Variants in GALNT18 observed in about 807,000 individuals in gnomAD.
GALNT18 encodes the protein polypeptide N-acetylgalactosaminyltransferase 18.
Under a neutral mutation model 69.5 loss-of-function variants are expected in GALNT18, and 44 were observed. The observed-to-expected ratio is 0.63, with a 90% CI of 0.50 to 0.81. The LOEUF (loss-of-function observed/expected upper bound fraction) is 0.81, where lower values mean the gene tolerates loss of function less well. Ranked by LOEUF, GALNT18 falls within the 40% of genes least tolerant of loss-of-function variation. GALNT18 has a pLI of 0.00. For synonymous variants in GALNT18, 364 were observed against 318.2 expected (o/e 1.14, Z -1.53); for missense variants, 715 against 810.0 (o/e 0.88, Z 1.42).
chr11:11,275,129 C>T (rs59807417), intron 10 of GALNT18, among the ~76,000 whole-genome samples: 4,214 of 152,316 alleles, frequency 0.028, 215 homozygotes, highest in African/African-American at 0.094. Flanking sequence ...CACTGTCTTC[C>T]ACAATGGTTG....
intron 1 of GALNT18, among the ~76,000 whole-genome samples, chr11:11,549,593 C>T (rs1023505442): frequency 3.9e-5 from 6 of 152,232 alleles, no homozygotes. Context: ...ACCCTTCTAT[C>T]TGGCCTGACC....
At chr11:11,351,031 A>C (rs1850390684) in intron 6 of GALNT18, among the ~76,000 whole-genome samples, 1 of 152,118 alleles carries the variant, frequency 6.6e-6, no homozygotes. Flanking sequence ...CAGTTTCCAG[A>C]GGTTCAATCT....
Position 11,271,213 on chromosome 11 carries a change from C to T in GALNT18, c.1755G>A (p.Gln585=), listed in dbSNP as rs761466656. ...QENSDLEFGF[Q]LVLQKCSGQH... ...GGCCCGAGCACTTCTGCAACACCAG[C>T]TGGAAGCCGAACTCCAGGTCGCTAT... Residue 585 remains glutamine (Q), a synonymous_variant, in exon 11 of 11, where the codon CAG becomes CAA. Transcript: ENST00000227756. The T allele has an allele frequency of 6.8e-6, 11 of 1,614,012 alleles. No individual in the cohort carries two copies. The highest frequency in any genetic ancestry group is 9.3e-6 in the Non-Finnish European group (11 of 1,180,006).
At chr11:11,441,884 C>T (rs1855539160) in intron 2 of GALNT18, among the ~76,000 whole-genome samples, 2 of 152,196 alleles carry the variant, frequency 1.3e-5, no homozygotes, top group Admixed American at 6.5e-5. Flanking sequence ...AGTATAGTGA[C>T]AGCAGAGCCT....
chr11:11,460,658 C>T (rs199936408), intron 1 of GALNT18, among the ~76,000 whole-genome samples: 2 of 149,450 alleles, frequency 1.3e-5, no homozygotes, highest in South Asian at 2.2e-4. Context: ...CTGAGGCAGT[C>T]GCCCTCCTGC....
At chr11:11,539,979 C>T (rs1191722832) in intron 1 of GALNT18, among the ~76,000 whole-genome samples, 1 of 152,192 alleles carries the variant, frequency 6.6e-6, no homozygotes, top group Non-Finnish European at 1.5e-5. Context: ...CCTGGATTTC[C>T]AGTACCAATG....
chr11:11,327,031 C>G, intron 9 of GALNT18, 55 bp downstream of exon 9: 1 of 1,271,898 alleles, frequency 7.9e-7, no homozygotes. Context: ...TCTCCTTCCC[C>G]ATGCCAGGCA....
At chr11:11,319,773 C>T (rs765259216) in intron 9 of GALNT18, among the ~76,000 whole-genome samples, 1 of 152,186 alleles carries the variant, frequency 6.6e-6, no homozygotes, top group Non-Finnish European at 1.5e-5. Flanking sequence ...CATCCTTATA[C>T]TTTGGAAGGA....
chr11:11,514,562 G>A (rs1297085455), intron 1 of GALNT18, among the ~76,000 whole-genome samples: 1 of 152,152 alleles, frequency 6.6e-6, no homozygotes, highest in African/African-American at 2.4e-5. Context: ...GTCACCCATC[G>A]GATTGCAGCC....
chr11:11,403,611 G>T (rs1265587039), intron 3 of GALNT18, among the ~76,000 whole-genome samples: 1 of 152,176 alleles, frequency 6.6e-6, no homozygotes, highest in Non-Finnish European at 1.5e-5. Flanking sequence ...TCCCCAAGGG[G>T]TCTTAGTCCA....
chr11:11,495,859 G>C lies in GALNT18; in HGVS notation c.236-46923C>G, dbSNP rs180707290. On this transcript the variant is annotated intron_variant, in intron 1 of 10. Coordinates refer to ENST00000227756, the MANE Select transcript of GALNT18 (RefSeq NM_198516.3). ...AGCAGAAAGGGTAGCACCATAAAAG[G>C]CTGTGACCAAGAGATGGGCAGGTCC... Among the ~76,000 whole-genome samples, 756 of 152,256 alleles carry C rather than the reference G, an allele frequency of 5.0e-3. 4 individuals are homozygous for C. The highest frequency in any genetic ancestry group is 0.018 in the African/African-American group (736 of 41,524).
chr11:11,559,740 TGATGGGATGG>T (rs888426572), intron 1 of GALNT18, among the ~76,000 whole-genome samples: 8 of 141,684 alleles, frequency 5.6e-5, no homozygotes, highest in African/African-American at 2.1e-4. Flanking sequence ...GAATGGGGTA[TGATGGGATGG>T]GATGGGATAG....
At chr11:11,448,627 G>C in intron 2 of GALNT18, 117 bp downstream of exon 2, 1 of 759,584 alleles carries the variant, frequency 1.3e-6, no homozygotes, top group Non-Finnish European at 2.0e-6. Flanking sequence ...GGCCCTGGCT[G>C]AAGCAGGAAA....
chr11:11,531,658 C>A (rs1051669105), intron 1 of GALNT18, among the ~76,000 whole-genome samples: 1 of 152,100 alleles, frequency 6.6e-6, no homozygotes, highest in Non-Finnish European at 1.5e-5. Context: ...CTGTATCTTG[C>A]ACCAGGCAGC....
intron 1 of GALNT18, among the ~76,000 whole-genome samples, chr11:11,572,406 A>G (rs1858813436): frequency 6.6e-6 from 1 of 152,250 alleles, no homozygotes; most frequent in African/African-American, 2.4e-5. Flanking sequence ...CTTAGTCTTC[A>G]TGAAAATTGT....
At chr11:11,521,074 G>A (rs1857388117) in intron 1 of GALNT18, among the ~76,000 whole-genome samples, 1 of 151,698 alleles carries the variant, frequency 6.6e-6, no homozygotes, top group African/African-American at 2.4e-5. Flanking sequence ...GCTGACAGCA[G>A]CCACGGGCTG....
At position 11,608,665 on chromosome 11, in the gene GALNT18, G is replaced by T. The variant is rs948318924; in HGVS notation, c.235+12694C>A. Among the ~76,000 whole-genome samples, 3 of 152,078 alleles carry T rather than the reference G, an allele frequency of 2.0e-5. No homozygotes were observed. The South Asian group carries it at 6.2e-4, about 32-fold the overall frequency. On this transcript the variant is annotated intron_variant, in intron 1 of 10. Transcript: ENST00000227756. Reference sequence around the variant, plus strand: ...CGTGAGCCACAGCACCTGGCCGATTGTCTTCATTTCTATGCTTGGGGAAAC... The same window carrying T: ...CGTGAGCCACAGCACCTGGCCGATTTTCTTCATTTCTATGCTTGGGGAAAC...
chr11:11,399,868 C>G (rs1380180783), intron 3 of GALNT18, among the ~76,000 whole-genome samples: 1 of 152,176 alleles, frequency 6.6e-6, no homozygotes, highest in Non-Finnish European at 1.5e-5. Context: ...TTATCGAGCA[C>G]TTACTATGTG....
At chr11:11,471,981 G>A (rs1337843517) in intron 1 of GALNT18, among the ~76,000 whole-genome samples, 5 of 152,234 alleles carry the variant, frequency 3.3e-5, no homozygotes, top group Admixed American at 3.3e-4. Flanking sequence ...CTGAGTCAAG[G>A]AGGACAGCAA....
Sources: gnomAD v4.1 joint callset for allele counts (sites outside exome capture counted in the v4.1 genomes callset) on GRCh38, gnomAD v4.1.1 for gene constraint, MANE v1.5 for transcripts, NCBI Gene and HGNC (gene_info 2026-07-23, HGNC 2026-07-21) for gene names.